The following AP3S1 variants were observed in gnomAD, a reference collection of about 807,000 sequenced individuals.
AP3S1 encodes the protein adaptor related protein complex 3 subunit sigma 1, also known as AP-3 complex subunit sigma-1.
Under a neutral mutation model 21.3 loss-of-function variants are expected in AP3S1, and 12 were observed. That is an observed-to-expected ratio of 0.56 (90% CI 0.36 to 0.91). The LOEUF (loss-of-function observed/expected upper bound fraction) is 0.91, where lower values mean the gene tolerates loss of function less well. Among genes scored for constraint, AP3S1 ranks in the 40% least tolerant of loss-of-function variants. AP3S1 has a pLI of 0.01. For synonymous variants in AP3S1, 48 were observed against 78.4 expected, an observed-to-expected ratio of 0.61 and a Z score of 2.05; for missense variants, 116 against 225.0, an observed-to-expected ratio of 0.52 and a Z score of 3.10.
intron 3 of AP3S1, among the ~76,000 whole-genome samples, chr5:115,893,799 T>TATTACATTATAATTATATTATA (rs1170729789): frequency 1.3e-5 from 2 of 152,216 alleles, no homozygotes; most frequent in Non-Finnish European, 2.9e-5. Context: ...TCCAGGCTGT[T>TATTACATTATAATTATATTATA]ATTACATTAT....
chr5:115,869,651 C>T (rs535091969), intron 2 of AP3S1, among the ~76,000 whole-genome samples: 1 of 152,276 alleles, frequency 6.6e-6, no homozygotes, highest in South Asian at 2.1e-4. Flanking sequence ...AAGTAGGGAA[C>T]CCATCAATAT....
At chr5:115,861,747 A>T (rs935600091) in intron 1 of AP3S1, among the ~76,000 whole-genome samples, 1 of 151,538 alleles carries the variant, frequency 6.6e-6, no homozygotes, top group Non-Finnish European at 1.5e-5. Flanking sequence ...GGGTTTTGCC[A>T]TGTTGACCAG....
At chr5:115,903,971 A>G (rs560571026) in intron 5 of AP3S1, 2 of 152,242 alleles carry the variant, frequency 1.3e-5, no homozygotes, top group South Asian at 2.1e-4. Flanking sequence ...AATCCCAGCT[A>G]CTCGGGAGGC....
intron 3 of AP3S1, among the ~76,000 whole-genome samples, chr5:115,880,250 G>A (rs909720253): frequency 6.6e-6 from 1 of 152,008 alleles, no homozygotes; most frequent in Non-Finnish European, 1.5e-5. Context: ...GCTAGCTTTT[G>A]AATTTGCTCT....
At chr5:115,870,526 T>A (rs764804853) in intron 3 of AP3S1, among the ~76,000 whole-genome samples, 3 of 152,170 alleles carry the variant, frequency 2.0e-5, no homozygotes, top group Non-Finnish European at 2.9e-5. Context: ...TAATATTACT[T>A]TACATTTTGC....
intron 3 of AP3S1, among the ~76,000 whole-genome samples, chr5:115,881,493 A>C (rs1198494056): frequency 6.6e-6 from 1 of 152,140 alleles, no homozygotes; most frequent in Non-Finnish European, 1.5e-5. Context: ...GCTGGGTTGA[A>C]AATTCTTTAA....
intron 3 of AP3S1, among the ~76,000 whole-genome samples, chr5:115,875,256 A>C (rs1748609468): frequency 2.0e-5 from 3 of 152,192 alleles, no homozygotes; most frequent in Non-Finnish European, 4.4e-5. Flanking sequence ...ATGTGATAAG[A>C]AATAGTCTTC....
At chr5:115,907,775 C>G (rs1468281838) in intron 5 of AP3S1, among the ~76,000 whole-genome samples, 1 of 152,028 alleles carries the variant, frequency 6.6e-6, no homozygotes, top group Middle Eastern at 3.2e-3. Context: ...CTGATATTTC[C>G]TGTACGTTTT....
chr5:115,906,419 G>C (rs1438396386), intron 5 of AP3S1, among the ~76,000 whole-genome samples: 1 of 152,080 alleles, frequency 6.6e-6, no homozygotes, highest in Non-Finnish European at 1.5e-5. Context: ...AAGTGAACCA[G>C]TTTAATTCCC....
At chr5:115,844,843 C>T (rs1262086551) in intron 1 of AP3S1, among the ~76,000 whole-genome samples, 2 of 152,090 alleles carry the variant, frequency 1.3e-5, no homozygotes, top group Admixed American at 1.3e-4. Flanking sequence ...GCCTATAATT[C>T]CTCGTGGCAG....
chr5:115,848,576 C>T (rs545017430), intron 1 of AP3S1, among the ~76,000 whole-genome samples: 4 of 152,178 alleles, frequency 2.6e-5, no homozygotes, highest in African/African-American at 7.2e-5. Flanking sequence ...TTGTCTTTTT[C>T]GTTCTGAAAG....
At chr5:115,903,576 A>C (rs920322680) in intron 5 of AP3S1, 1 of 152,816 alleles carries the variant, frequency 6.5e-6, no homozygotes, top group African/African-American at 2.4e-5. Flanking sequence ...AGACATTAGT[A>C]CATATATATC....
At chr5:115,906,227 T>A (rs1001924578) in intron 5 of AP3S1, among the ~76,000 whole-genome samples, 1 of 152,200 alleles carries the variant, frequency 6.6e-6, no homozygotes, top group Admixed American at 6.6e-5. Flanking sequence ...GAACTGGTTA[T>A]CAATATTTTT....
chr5:115,900,843 G>A (rs1751150089), intron 4 of AP3S1, among the ~76,000 whole-genome samples: 2 of 152,140 alleles, frequency 1.3e-5, no homozygotes, highest in Non-Finnish European at 2.9e-5. Flanking sequence ...ATCTTGATAT[G>A]ATATTAAAAA....
chr5:115,904,113 C>T (rs1751449008), intron 5 of AP3S1: 1 of 151,900 alleles, frequency 6.6e-6, no homozygotes, highest in Non-Finnish European at 1.5e-5. Context: ...TTTGATATCT[C>T]ATTCACCACC....
At chr5:115,859,124 G>C (rs2112804463) in intron 1 of AP3S1, among the ~76,000 whole-genome samples, 1 of 152,208 alleles carries the variant, frequency 6.6e-6, no homozygotes, top group Non-Finnish European at 1.5e-5. Flanking sequence ...AAGCTGATTG[G>C]AAGCTCTCAA....
chr5:115,846,754 C>G (rs1478388088), intron 1 of AP3S1, among the ~76,000 whole-genome samples: 2 of 152,188 alleles, frequency 1.3e-5, no homozygotes, highest in Middle Eastern at 6.8e-3. Flanking sequence ...ATCAACACTC[C>G]TGAGTATGAG....
intron 3 of AP3S1, among the ~76,000 whole-genome samples, chr5:115,873,505 C>T (rs553585200): frequency 8.5e-5 from 13 of 152,228 alleles, no homozygotes; most frequent in African/African-American, 2.6e-4. Flanking sequence ...CTGTAATTCA[C>T]CTTATAGGTA....
chr5:115,890,633 T>C (rs1408619553), intron 3 of AP3S1, among the ~76,000 whole-genome samples: 2 of 152,248 alleles, frequency 1.3e-5, no homozygotes, highest in African/African-American at 4.8e-5. Context: ...TATGTTACAC[T>C]TAAGTAAATA....
Sources: allele counts gnomAD v4.1 joint callset (sites outside exome capture counted in the v4.1 genomes callset), GRCh38; gene constraint gnomAD v4.1.1; transcripts MANE v1.5; gene names NCBI Gene and HGNC (gene_info 2026-07-23, HGNC 2026-07-21).